Variants in ZNF804B observed in about 807,000 individuals in gnomAD.
ZNF804B encodes the protein zinc finger protein 804B.
In ZNF804B, 80 loss-of-function variants were observed where a neutral mutation model predicts 101.4. The ratio of observed to expected loss-of-function variants is 0.79; its 90% CI spans 0.66 to 0.95. The LOEUF is 0.95. Ranked by LOEUF, ZNF804B falls within the 40% of genes least tolerant of loss-of-function variation. The probability of loss-of-function intolerance (pLI) is 0.00; values close to 1 mark genes in which losing one functional copy is unlikely to be tolerated. For synonymous variants in ZNF804B, 622 were observed against 558.8 expected (o/e 1.11, Z -1.59); for missense variants, 1,673 against 1,561.9 (o/e 1.07, Z -1.20).
chr7:89,254,913 T>C (rs991301131), intron 2 of ZNF804B, among the ~76,000 whole-genome samples: 1 of 152,132 alleles, frequency 6.6e-6, no homozygotes, highest in African/African-American at 2.4e-5. Context: ...CCCAAAGTGC[T>C]GGGATTACAG....
intron 2 of ZNF804B, among the ~76,000 whole-genome samples, chr7:89,287,439 C>T (rs1790219842): frequency 6.6e-6 from 1 of 152,184 alleles, no homozygotes; most frequent in African/African-American, 2.4e-5. Flanking sequence ...TCCCTGAAGT[C>T]ATTTTCTGAA....
intron 1 of ZNF804B, among the ~76,000 whole-genome samples, chr7:89,129,475 C>G (rs118025696): frequency 1.5e-3 from 234 of 152,008 alleles, no homozygotes; most frequent in Non-Finnish European, 2.6e-3. Flanking sequence ...CCCAAGCAAC[C>G]TAACATAACA....
chr7:89,064,133 C>A (rs1269366448), intron 1 of ZNF804B, among the ~76,000 whole-genome samples: 2 of 152,058 alleles, frequency 1.3e-5, no homozygotes, highest in Admixed American at 6.6e-5. Flanking sequence ...CATTGGCAGA[C>A]CCTCCGTGGA....
chr7:89,066,644 C>T (rs1333746139), intron 1 of ZNF804B, among the ~76,000 whole-genome samples: 1 of 152,030 alleles, frequency 6.6e-6, no homozygotes, highest in Admixed American at 6.6e-5. Flanking sequence ...AAATATTTGT[C>T]ATCTGGCGTA....
At chr7:89,041,125 C>T (rs779310219) in intron 1 of ZNF804B, among the ~76,000 whole-genome samples, 6 of 152,114 alleles carry the variant, frequency 3.9e-5, no homozygotes, top group African/African-American at 9.7e-5. Flanking sequence ...TGGCCTGAAG[C>T]ATGGGTCCAT....
chr7:89,007,759 T>A (rs1788392293), intron 1 of ZNF804B, among the ~76,000 whole-genome samples: 1 of 150,792 alleles, frequency 6.6e-6, no homozygotes, highest in African/African-American at 2.4e-5. Flanking sequence ...ATAAGGTGAA[T>A]ATATGTCAAA....
At chr7:89,142,284 GT>G (rs925144256) in intron 1 of ZNF804B, among the ~76,000 whole-genome samples, 10 of 150,156 alleles carry the variant, frequency 6.7e-5, no homozygotes, top group Non-Finnish European at 1.3e-4. Context: ...GTTTTTTGTT[GT>G]TTTTTGTTTT....
intron 1 of ZNF804B, among the ~76,000 whole-genome samples, chr7:88,908,389 T>G (rs940007948): frequency 8.6e-5 from 13 of 151,870 alleles, no homozygotes; most frequent in African/African-American, 3.1e-4. Context: ...ACATATAATT[T>G]GAAAAAGTAA....
At chr7:89,286,184 T>C (rs1174652261) in intron 2 of ZNF804B, among the ~76,000 whole-genome samples, 2 of 152,172 alleles carry the variant, frequency 1.3e-5, no homozygotes, top group Non-Finnish European at 2.9e-5. Context: ...GTCTCTTCTG[T>C]AGCCTCTAAA....
At chr7:89,044,778 A>G (rs1789075997) in intron 1 of ZNF804B, among the ~76,000 whole-genome samples, 1 of 152,130 alleles carries the variant, frequency 6.6e-6, no homozygotes, top group Admixed American at 6.6e-5. Context: ...ATGTGGCAAA[A>G]TATTCAAGAA....
intron 1 of ZNF804B, among the ~76,000 whole-genome samples, chr7:89,070,792 G>A (rs773752686): frequency 3.3e-5 from 5 of 151,490 alleles, no homozygotes; most frequent in Admixed American, 6.6e-5. Context: ...TTTTTTTCTC[G>A]AACTCAAGGA....
chr7:89,037,198 A>G (rs953961072), intron 1 of ZNF804B, among the ~76,000 whole-genome samples: 2 of 152,104 alleles, frequency 1.3e-5, no homozygotes, highest in Non-Finnish European at 1.5e-5. Context: ...ATTCAAGTTG[A>G]CCTGCCAGAA....
intron 1 of ZNF804B, among the ~76,000 whole-genome samples, chr7:89,052,904 T>A (rs1789230988): frequency 6.6e-6 from 1 of 152,196 alleles, no homozygotes; most frequent in African/African-American, 2.4e-5. Context: ...AAGACATATT[T>A]GGGCTTTCAC....
chr7:88,763,032 T>A (rs186803704), intron 1 of ZNF804B, among the ~76,000 whole-genome samples: 1 of 152,186 alleles, frequency 6.6e-6, no homozygotes, highest in South Asian at 2.1e-4. Context: ...AATCCCTTTT[T>A]GACATAATAA....
intron 1 of ZNF804B, among the ~76,000 whole-genome samples, chr7:89,157,004 G>A (rs1162008000): frequency 6.6e-6 from 1 of 152,200 alleles, no homozygotes; most frequent in African/African-American, 2.4e-5. Context: ...CAACACACCT[G>A]CCACTTGAAA....
intron 2 of ZNF804B, among the ~76,000 whole-genome samples, chr7:89,223,658 T>C (rs1453884298): frequency 3.4e-5 from 5 of 148,928 alleles, no homozygotes; most frequent in Admixed American, 6.7e-5. Flanking sequence ...CACTCCACTA[T>C]GGGCAACACA....
chr7:89,182,982 G>C (rs1041740594), intron 1 of ZNF804B, among the ~76,000 whole-genome samples: 1 of 152,134 alleles, frequency 6.6e-6, no homozygotes, highest in African/African-American at 2.4e-5. Context: ...AGGCATAAAT[G>C]CAAGGAAGAA....
At chr7:89,175,750 A>G (rs1276098045) in intron 1 of ZNF804B, among the ~76,000 whole-genome samples, 1 of 151,956 alleles carries the variant, frequency 6.6e-6, no homozygotes. Flanking sequence ...TTTTTCATCA[A>G]TATTTTATAA....
intron 2 of ZNF804B, among the ~76,000 whole-genome samples, chr7:89,223,606 ATTATTTAT>A (rs35199718): frequency 2.0e-5 from 3 of 146,764 alleles, no homozygotes; most frequent in South Asian, 2.1e-4. Context: ...AAAAATTAAG[ATTATTTAT>A]TTATTTATTT....
Sources: allele counts gnomAD v4.1 joint callset (sites outside exome capture counted in the v4.1 genomes callset), GRCh38; gene constraint gnomAD v4.1.1; transcripts MANE v1.5; gene names NCBI Gene and HGNC (gene_info 2026-07-23, HGNC 2026-07-21).